Variants in ENOX2 observed in about 807,000 individuals in gnomAD.
The protein encoded by ENOX2 is ecto-NOX disulfide-thiol exchanger 2.
Under a neutral mutation model 45.0 loss-of-function variants are expected in ENOX2, and 36 were observed. The observed-to-expected ratio is 0.80, with a 90% CI of 0.61 to 1.06. The LOEUF (loss-of-function observed/expected upper bound fraction) is 1.06. Ranked by LOEUF, ENOX2 falls within the 50% of genes least tolerant of loss-of-function variation. The pLI is 0.00. For missense variants in ENOX2, 423 were observed against 462.5 expected (o/e 0.91, Z 0.78); for synonymous variants, 174 against 152.3 (o/e 1.14, Z -1.05).
At chrX:130,892,752 C>T (rs1288499203) in intron 2 of ENOX2, among the ~76,000 whole-genome samples, 6 of 112,672 alleles carry the variant, frequency 5.3e-5, no homozygotes, top group African/African-American at 1.9e-4. Context: ...ACAGTAAATG[C>T]AGGTATAATG....
rs2035521207 is a variant in ENOX2, at chrX:130,625,558, G to A, written c.1615-113C>T. 6.7e-5 allele frequency: 51 copies of A among 762,263 alleles called. 1 individual carries two copies. The South Asian group carries it at 1.4e-3, about 21-fold the overall frequency. The allele number at this position is 762,263 out of a possible 1,213,427, so 62.8% of individuals were successfully genotyped here. A position where few individuals can be genotyped will look rare whatever the true frequency, so the allele number is the denominator to read the frequency against. ...GTGTCTGTGTGTGTGCTGCAGGGGC[G>A]TTTAACCTCCTCCTGCTCCTTGCGC... On this transcript the variant is annotated intron_variant, in intron 14 of 14. Transcript: ENST00000394363.
chrX:130,822,626 G>T (rs1424368940), intron 2 of ENOX2, among the ~76,000 whole-genome samples: 3 of 109,632 alleles, frequency 2.7e-5, no homozygotes, highest in African/African-American at 1.0e-4. Context: ...GGGGACTGTT[G>T]TGGGGTAGGG....
chrX:130,864,201 A>G (rs960217850), intron 2 of ENOX2, among the ~76,000 whole-genome samples: 8 of 110,704 alleles, frequency 7.2e-5, no homozygotes, highest in African/African-American at 2.6e-4. Context: ...CATTTTTGAG[A>G]TTAGATTATA....
chrX:130,801,383 G>C (rs2077213561), intron 2 of ENOX2, among the ~76,000 whole-genome samples: 1 of 111,772 alleles, frequency 8.9e-6, no homozygotes, highest in Non-Finnish European at 1.9e-5. Context: ...CTGGAATCCA[G>C]ATTTTTGGGC....
At chrX:130,692,476 G>C (rs1340104932) in intron 4 of ENOX2, among the ~76,000 whole-genome samples, 2 of 112,234 alleles carry the variant, frequency 1.8e-5, no homozygotes, top group Non-Finnish European at 3.8e-5. Flanking sequence ...GTTCTATTTT[G>C]CTTTTATCGT....
At chrX:130,877,897 A>C (rs2078737414) in intron 2 of ENOX2, among the ~76,000 whole-genome samples, 1 of 111,964 alleles carries the variant, frequency 8.9e-6, no homozygotes, top group South Asian at 3.7e-4. Context: ...AGGCAACACA[A>C]TACAGTAGGT....
intron 2 of ENOX2, among the ~76,000 whole-genome samples, chrX:130,828,351 C>T (rs1009842054): frequency 1.8e-5 from 2 of 111,817 alleles, no homozygotes; most frequent in Non-Finnish European, 3.8e-5. Context: ...ATTAGTCAGT[C>T]AGCTTAACAG....
At chrX:130,699,852 A>G (rs1236852401) in intron 4 of ENOX2, among the ~76,000 whole-genome samples, 1 of 112,214 alleles carries the variant, frequency 8.9e-6, no homozygotes, top group Non-Finnish European at 1.9e-5. Context: ...GCTGTCCTTC[A>G]CTATTGTTAA....
intron 3 of ENOX2, among the ~76,000 whole-genome samples, chrX:130,704,797 C>T (rs1381803344): frequency 3.6e-5 from 4 of 112,156 alleles, no homozygotes; most frequent in Non-Finnish European, 7.5e-5. Context: ...CACACACACA[C>T]AGTGATTGAT....
chrX:130,819,696 G>A (rs760996012), intron 2 of ENOX2, among the ~76,000 whole-genome samples: 1 of 111,299 alleles, frequency 9.0e-6, no homozygotes, highest in Admixed American at 9.5e-5. Context: ...GACACAGGGA[G>A]GGGAACATCA....
intron 2 of ENOX2, among the ~76,000 whole-genome samples, chrX:130,785,827 T>C (rs1416486709): frequency 1.8e-5 from 2 of 112,353 alleles, no homozygotes; most frequent in Non-Finnish European, 3.8e-5. Flanking sequence ...AATGGCATAG[T>C]GGAAAGATCC....
intron 3 of ENOX2, among the ~76,000 whole-genome samples, chrX:130,732,228 T>A (rs1325049783): frequency 5.4e-5 from 6 of 111,927 alleles, no homozygotes; most frequent in Non-Finnish European, 1.1e-4. Context: ...AAAGAGAAAT[T>A]ATGAAAACAA....
intron 3 of ENOX2, among the ~76,000 whole-genome samples, chrX:130,729,754 T>G (rs2038693968): frequency 8.9e-6 from 1 of 112,606 alleles, no homozygotes; most frequent in Non-Finnish European, 1.9e-5. Context: ...GATGGCCTGC[T>G]CAATCACTAG....
At chrX:130,671,220 C>T (rs756396312) in intron 6 of ENOX2, among the ~76,000 whole-genome samples, 6 of 111,665 alleles carry the variant, frequency 5.4e-5, no homozygotes, top group East Asian at 5.6e-4. Context: ...GATAGAGTAA[C>T]GGGTTAGATT....
At chrX:130,703,647 T>C (rs541502537) in intron 3 of ENOX2, among the ~76,000 whole-genome samples, 1 of 111,633 alleles carries the variant, frequency 9.0e-6, no homozygotes, top group South Asian at 3.8e-4. Context: ...AAACTACTTA[T>C]GCATGTAAAG....
rs1388321930 is a variant in ENOX2 at position 130,634,977 on chromosome X, C to CATGT, written c.1419+3_1419+6dup. 9.9e-7 allele frequency: 1 copy of CATGT among 1,006,774 alleles called. No homozygotes were observed. The highest frequency in any genetic ancestry group is 1.4e-6 in the Non-Finnish European group (1 of 713,644). The allele number at this position is 1,006,774 out of a possible 1,213,427, so 83.0% of individuals were successfully genotyped here. A position where few individuals can be genotyped will look rare whatever the true frequency, so the allele number is the denominator to read the frequency against. ...CAAGGAAAAAGGTTCACTTAGGGTG[C>CATGT]ATGTACCTTTTCTTTAAGATTTTCC... On this transcript the variant is annotated splice_region_variant and intron_variant, in intron 12 of 14. Coordinates refer to ENST00000394363, the MANE Select transcript of ENOX2 (RefSeq NM_006375.4).
chrX:130,674,567 C>T (rs1222243250), intron 6 of ENOX2, among the ~76,000 whole-genome samples: 1 of 111,603 alleles, frequency 9.0e-6, no homozygotes, highest in East Asian at 2.8e-4. Flanking sequence ...AAGAAAATTA[C>T]ATCAAAGCAT....
rs771055002 is a variant in ENOX2 at position 130,842,441 on chromosome X, A to T, written c.-182-58751T>A. On this transcript the variant is annotated intron_variant, in intron 2 of 14. Coordinates refer to ENST00000394363, the MANE Select transcript of ENOX2 (RefSeq NM_006375.4). ...ACTCTTAATGCCCTATCCATCCTTAAACGAACCAAAGGCACCCCACTCAGC... is the reference window on the plus strand; with the variant it reads ...ACTCTTAATGCCCTATCCATCCTTATACGAACCAAAGGCACCCCACTCAGC... 2.9e-3 allele frequency among the ~76,000 whole-genome samples: 320 copies of T among 111,552 alleles called. 2 individuals carry two copies. The highest frequency in any genetic ancestry group is 9.9e-3 in the African/African-American group (303 of 30,737).
At chrX:130,805,499 T>C (rs1004082311) in intron 2 of ENOX2, among the ~76,000 whole-genome samples, 4 of 111,849 alleles carry the variant, frequency 3.6e-5, no homozygotes, top group African/African-American at 1.3e-4. Flanking sequence ...CTTTTTGTTT[T>C]AAAAATTGCT....
Sources: gnomAD v4.1 joint callset for allele counts (sites outside exome capture counted in the v4.1 genomes callset) on GRCh38, gnomAD v4.1.1 for gene constraint, MANE v1.5 for transcripts, NCBI Gene and HGNC (gene_info 2026-07-23, HGNC 2026-07-21) for gene names.